LAMA3: variants seen among roughly 807,000 people sequenced by gnomAD.
The protein encoded by LAMA3 is laminin subunit alpha 3.
LAMA3 carries 281 observed loss-of-function variants against 402.0 expected under a neutral mutation model. That is an observed-to-expected ratio of 0.70 (90% CI 0.63 to 0.77). LAMA3 has a LOEUF of 0.77. LAMA3 is among the 30% of genes least tolerant of loss of function. LAMA3 has a pLI of 0.00. For synonymous variants in LAMA3, 1,431 were observed against 1,558.4 expected (o/e 0.92, Z 1.93); for missense variants, 3,840 against 4,215.5 (o/e 0.91, Z 2.47).
rs764323014 is a variant in LAMA3 at position 23,951,760 on chromosome 18, A to G, written c.9719A>G (p.Gln3240Arg). ...CCAAAGCAGTCTCTGTGTGATGGAC[A>G]GTGGCACTCGGTGGCAGGTATGTTG... is the stretch of plus-strand genomic sequence containing the variant. ...VTPKQSLCDG[Q>R]WHSVAVTIKQ... Residue 3240 changes from glutamine (Q) to arginine (R), a missense_variant, in exon 73 of 75, where the codon CAG becomes CGG. Physicochemically the swap from Gln to Arg is conservative, Grantham distance 43. Around this residue, in one of 3 missense-constraint regions of LAMA3, gnomAD observed 840 missense variants for 981.9 expected, o/e 0.86. Coordinates refer to ENST00000313654, the MANE Select transcript of LAMA3 (RefSeq NM_198129.4). 2.5e-5 allele frequency: 40 copies of G among 1,613,586 alleles called. 1 individual carries two copies. In the South Asian group the frequency reaches 4.1e-4, roughly 16 times the overall value.
intron 12 of LAMA3, among the ~76,000 whole-genome samples, chr18:23,809,460 G>A (rs775158403): frequency 1.3e-5 from 2 of 152,214 alleles, no homozygotes; most frequent in Non-Finnish European, 2.9e-5. Context: ...TTCTTAAGAT[G>A]TAGAACTCTT....
chr18:23,827,160 A>C lies in LAMA3; in HGVS notation c.2670-154A>C, dbSNP rs140587265. Among the ~76,000 whole-genome samples the C allele has an allele frequency of 2.3e-3, 347 of 152,352 alleles. 3 individuals are homozygous for C. The highest frequency in any genetic ancestry group is 7.9e-3 in the African/African-American group (329 of 41,592). On this transcript the variant is annotated intron_variant, in intron 22 of 74. Transcript: ENST00000313654. ...CCATGCAGATGAAAATTTATTGCTT[A>C]ATTCTTGTAGCAGACACTTAATAAG... is the stretch of plus-strand genomic sequence containing the variant.
rs562200689 is a variant in LAMA3, at chr18:23,827,015, C to T, written c.2669+216C>T. 2.6e-5 allele frequency among the ~76,000 whole-genome samples: 4 copies of T among 152,314 alleles called. No homozygotes were observed. The East Asian group carries it at 5.8e-4, about 22-fold the overall frequency. On this transcript the variant is annotated intron_variant, in intron 22 of 74. Coordinates refer to ENST00000313654, the MANE Select transcript of LAMA3 (RefSeq NM_198129.4). ...CTGGCTTAGGAGTGGCTACCACCCT[C>T]CAGCATGTGGGAATGTTGATGCATG...
chr18:23,784,125 G>A lies in LAMA3; in HGVS notation c.1571G>A (p.Arg524His), dbSNP rs201845068. The A allele has an allele frequency of 2.1e-4, 341 of 1,614,076 alleles. No individual in the cohort carries two copies. Among genetic ancestry groups the A allele is most frequent in the Middle Eastern group, 1.5e-3 (9 of 6,056 alleles). ...GAGGGCCCTCGATGTGATACCTGCC[G>A]CTCTGGTTTCTACTCATTCCCTATT... ...GVEGPRCDTC[R>H]SGFYSFPICQ... Residue 524 changes from arginine (R) to histidine (H), a missense_variant, in exon 12 of 75, where the codon CGC becomes CAC. Physicochemically the swap from Arg to His is conservative, Grantham distance 29. Coordinates refer to ENST00000313654, the MANE Select transcript of LAMA3 (RefSeq NM_198129.4).
At chr18:23,835,041 A>G (rs2063555741) in intron 24 of LAMA3, among the ~76,000 whole-genome samples, 1 of 152,252 alleles carries the variant, frequency 6.6e-6, no homozygotes, top group South Asian at 2.1e-4. Context: ...AGAGTTCTCC[A>G]GGGATGTTCT....
intron 2 of LAMA3, among the ~76,000 whole-genome samples, chr18:23,732,874 A>T (rs2061416508): frequency 1.3e-5 from 2 of 152,116 alleles, no homozygotes; most frequent in South Asian, 4.2e-4. Context: ...ACCTGGCACA[A>T]ACTAAATCCT....
In LAMA3 at chr18:23,790,608, G is replaced by A. The variant is rs547675479; in HGVS notation, c.1603+6451G>A. Among the ~76,000 whole-genome samples, 4 of 152,140 alleles carry A rather than the reference G, an allele frequency of 2.6e-5. No homozygotes were observed. The South Asian group carries it at 8.3e-4, about 32-fold the overall frequency. ...CTTTTATTCTGCTCTTTGCTCTTGC[G>A]GCTTCGGACTTTCAAATAGTTATAA... On this transcript the variant is annotated intron_variant, in intron 12 of 74. Coordinates refer to ENST00000313654, the MANE Select transcript of LAMA3 (RefSeq NM_198129.4).
chr18:23,689,846 GC>G lies in LAMA3; in HGVS notation c.165del (p.Glu56ArgfsTer102), dbSNP rs770348364. ...LSLHPTYFNL[A>X]EAARIWATAT... ...CCTTCACCCGACTTACTTCAACCTGGCCGAGGCGGCGAGGATTTGGGCCACC... is the reference window on the plus strand; with the variant it reads ...CCTTCACCCGACTTACTTCAACCTGGCGAGGCGGCGAGGATTTGGGCCACC... On this transcript the variant is annotated frameshift_variant, in exon 1 of 75. Coordinates refer to ENST00000313654, the MANE Select transcript of LAMA3 (RefSeq NM_198129.4). LOFTEE classifies it high-confidence loss of function. 1 of 1,553,356 alleles carries G rather than the reference GC, an allele frequency of 6.4e-7. No homozygotes were observed. Among genetic ancestry groups the G allele is most frequent in the East Asian group, 2.4e-5 (1 of 40,974 alleles).
intron 2 of LAMA3, among the ~76,000 whole-genome samples, chr18:23,721,673 TTA>T (rs1249176081): frequency 6.6e-6 from 1 of 152,154 alleles, no homozygotes; most frequent in Non-Finnish European, 1.5e-5. Flanking sequence ...AGTAAACTCA[TTA>T]TGTCTTGTGC....
At chr18:23,719,381 C>T (rs1166383600) in intron 2 of LAMA3, among the ~76,000 whole-genome samples, 2 of 152,078 alleles carry the variant, frequency 1.3e-5, no homozygotes, top group Non-Finnish European at 2.9e-5. Context: ...GACCCTGAAA[C>T]CCCCTGCAGG....
At chr18:23,921,837 G>A (rs989443073) in intron 62 of LAMA3, among the ~76,000 whole-genome samples, 2 of 152,200 alleles carry the variant, frequency 1.3e-5, no homozygotes, top group Non-Finnish European at 2.9e-5. Context: ...GAGGGACCAC[G>A]AAGGGTATAG....
intron 67 of LAMA3, among the ~76,000 whole-genome samples, chr18:23,937,139 G>A (rs933560796): frequency 2.6e-5 from 4 of 152,024 alleles, no homozygotes; most frequent in Non-Finnish European, 5.9e-5. Flanking sequence ...GCCAAGGCAG[G>A]CAAATCACCT....
At chr18:23,837,570 G>GATATATATATAT (rs56179962) in intron 25 of LAMA3, among the ~76,000 whole-genome samples, 3,642 of 83,150 alleles carry the variant, frequency 0.044, 254 homozygotes, top group East Asian at 0.16. Context: ...CAGTTAATCA[G>GATATATATATAT]ATATATATAT....
intron 12 of LAMA3, among the ~76,000 whole-genome samples, chr18:23,794,934 T>C (rs2062734103): frequency 3.9e-5 from 6 of 152,230 alleles, no homozygotes; most frequent in Admixed American, 3.9e-4. Flanking sequence ...AAAAACCATA[T>C]CTTTAAATGT....
rs753222739 is a variant in LAMA3, at chr18:23,815,536, T to A, written c.2010T>A (p.Tyr670Ter). The change falls in exon 17 of 75, where the codon TAT becomes TAA. Residue 670 changes from tyrosine (Y) to a stop codon, truncating the protein, a stop_gained. Coordinates refer to ENST00000313654, the MANE Select transcript of LAMA3 (RefSeq NM_198129.4). LOFTEE classifies it high-confidence loss of function. ...GDSCDTCEDG[Y>*]FALEKSNYFG... ...CCTGCGACACCTGTGAAGATGGATA[T>A]TTTGCTTTGGAAAAGAGCAATTACT... 6.2e-7 allele frequency: 1 copy of A among 1,614,178 alleles called. No individual in the cohort carries two copies. Among genetic ancestry groups the A allele is most frequent in the Non-Finnish European group, 8.5e-7 (1 of 1,180,010 alleles).
intron 1 of LAMA3, among the ~76,000 whole-genome samples, chr18:23,704,049 C>A (rs921608526): frequency 6.6e-6 from 1 of 152,160 alleles, no homozygotes; most frequent in African/African-American, 2.4e-5. Flanking sequence ...GCCTCCGGAA[C>A]CTTAGTGAGT....
Position 23,951,704 on chromosome 18 carries a change from T to G in LAMA3, c.9663T>G (p.Ser3221Arg). ...EAGKVTASMDSGAGGTSTSVT... is the reference protein window; with the variant it reads ...EAGKVTASMDRGAGGTSTSVT... ...TCCAGGTCACGGCCTCTATGGACAGTGGGGCAGGTGGGACCTCAACGTCGG... is the reference window on the plus strand; with the variant it reads ...TCCAGGTCACGGCCTCTATGGACAGGGGGGCAGGTGGGACCTCAACGTCGG... Residue 3221 changes from serine (S) to arginine (R), a missense_variant, in exon 73 of 75, where the codon AGT becomes AGG. Physicochemically the swap from Ser to Arg is moderately radical, Grantham distance 110. Transcript: ENST00000313654. 1.2e-6 allele frequency: 2 copies of G among 1,613,872 alleles called. No homozygotes were observed. Among genetic ancestry groups the G allele is most frequent in the Non-Finnish European group, 1.7e-6 (2 of 1,179,902 alleles).
chr18:23,906,282 A>T (rs2081246600), intron 52 of LAMA3, among the ~76,000 whole-genome samples: 1 of 152,148 alleles, frequency 6.6e-6, no homozygotes, highest in Non-Finnish European at 1.5e-5. Flanking sequence ...ACATGTCAAG[A>T]TCATTGGTTT....
At chr18:23,861,372 T>C (rs2064215555) in intron 34 of LAMA3, among the ~76,000 whole-genome samples, 1 of 152,218 alleles carries the variant, frequency 6.6e-6, no homozygotes, top group Non-Finnish European at 1.5e-5. Context: ...CAAACACTCA[T>C]TGATCACCTA....
Sources: allele counts gnomAD v4.1 joint callset (sites outside exome capture counted in the v4.1 genomes callset), GRCh38; gene constraint gnomAD v4.1.1; regional missense constraint gnomAD v4.1.1; transcripts MANE v1.5; gene names NCBI Gene and HGNC (gene_info 2026-07-23, HGNC 2026-07-21).